PRKCH: variants seen among roughly 807,000 people sequenced by gnomAD.
The protein encoded by PRKCH is protein kinase C eta type.
In PRKCH, 28 loss-of-function variants were observed where a neutral mutation model predicts 82.5. The observed-to-expected ratio is 0.34, with a 90% CI of 0.25 to 0.47. PRKCH has a LOEUF of 0.47. Ranked by LOEUF, PRKCH falls within the 20% of genes least tolerant of loss-of-function variation. The pLI is 1.00. For synonymous variants in PRKCH, 322 were observed against 327.4 expected (o/e 0.98, Z 0.18); for missense variants, 705 against 881.8 (o/e 0.80, Z 2.54).
chr14:61,447,920 C>G (rs1250198371), intron 4 of PRKCH, among the ~76,000 whole-genome samples: 1 of 152,008 alleles, frequency 6.6e-6, no homozygotes, highest in Admixed American at 6.6e-5. Context: ...CTCAAGCGAG[C>G]ATAAGAAAAG....
chr14:61,266,138 C>T lies in PRKCH; in HGVS notation c.-19+78470C>T, dbSNP rs138713364. On this transcript the variant is annotated intron_variant, in intron 1 of 3. Coordinates refer to the PRKCH transcript ENST00000555185. ...TTTTAGAAAAATCATAGGTCCTTGG[C>T]TGGACATGGTGGCTCATGCCTGTAA... 1.6e-3 allele frequency among the ~76,000 whole-genome samples: 248 copies of T among 152,152 alleles called. 1 individual carries two copies. Among genetic ancestry groups the T allele is most frequent in the Admixed American group, 8.0e-3 (122 of 15,286 alleles).
chr14:61,538,181 T>G (rs2043137347), intron 12 of PRKCH, among the ~76,000 whole-genome samples: 1 of 152,212 alleles, frequency 6.6e-6, no homozygotes, highest in South Asian at 2.1e-4. Flanking sequence ...TCAAACACTG[T>G]TAGGGGAAAT....
At chr14:61,231,794 G>A (rs2044746967) in intron 1 of PRKCH, among the ~76,000 whole-genome samples, 1 of 151,948 alleles carries the variant, frequency 6.6e-6, no homozygotes. Flanking sequence ...ATACAAATCT[G>A]TTTAGACGCA....
chr14:61,547,835 C>A lies in PRKCH; in HGVS notation c.1854C>A (p.Asp618Glu), dbSNP rs373505351. 6.2e-7 allele frequency: 1 copy of A among 1,614,016 alleles called. No individual in the cohort carries two copies. Among genetic ancestry groups the A allele is most frequent in the Admixed American group, 1.7e-5 (1 of 60,000 alleles). The change falls in exon 13 of 14, where the codon GAC becomes GAA. Residue 618 changes from aspartate to glutamate, a missense_variant. Around this residue, in one of 5 missense-constraint regions of PRKCH, gnomAD observed 91 missense variants for 81.2 expected, o/e 1.12. Transcript: ENST00000332981. Reference sequence around the variant, plus strand: ...GACATCCTTTTTTTAAGGAAATCGACTGGGCCCAGCTGAACCATCGCCAAA... The same window carrying A: ...GACATCCTTTTTTTAAGGAAATCGAATGGGCCCAGCTGAACCATCGCCAAA... ...ILRHPFFKEI[D>E]WAQLNHRQIE...
intron 2 of PRKCH, among the ~76,000 whole-genome samples, chr14:61,440,494 T>C (rs918554459): frequency 1.3e-5 from 2 of 152,220 alleles, no homozygotes; most frequent in Non-Finnish European, 2.9e-5. Context: ...CCAAATTCAT[T>C]TGGACTCTTT....
chr14:61,462,742 T>A (rs1594734005), intron 9 of PRKCH, among the ~76,000 whole-genome samples: 2 of 152,172 alleles, frequency 1.3e-5, no homozygotes, highest in East Asian at 3.8e-4. Flanking sequence ...CAGTCTCCCC[T>A]GGAGAATTTA....
Position 61,506,310 on chromosome 14 carries a change from C to T in PRKCH, c.1433+20654C>T, listed in dbSNP as rs150190094. Among the ~76,000 whole-genome samples, 670 of 152,200 alleles carry T rather than the reference C, an allele frequency of 4.4e-3. 9 individuals are homozygous for T. Among genetic ancestry groups the T allele is most frequent in the African/African-American group, 0.013 (531 of 41,496 alleles). On this transcript the variant is annotated intron_variant, in intron 10 of 13. Coordinates refer to ENST00000332981, the MANE Select transcript of PRKCH (RefSeq NM_006255.5). Reference sequence around the variant, plus strand: ...GTCATGGAATTTCTCCATATTGCGGCGGTACTTCAGTGTGAGTCAGCAGGA... The same window carrying T: ...GTCATGGAATTTCTCCATATTGCGGTGGTACTTCAGTGTGAGTCAGCAGGA...
At chr14:61,507,889 T>C (rs1887219992) in intron 10 of PRKCH, among the ~76,000 whole-genome samples, 1 of 152,102 alleles carries the variant, frequency 6.6e-6, no homozygotes, top group African/African-American at 2.4e-5. Context: ...TGCTGTACTG[T>C]ATACTTAAAA....
intron 1 of PRKCH, among the ~76,000 whole-genome samples, chr14:61,262,387 T>C (rs2045056952): frequency 6.6e-6 from 1 of 152,114 alleles, no homozygotes; most frequent in African/African-American, 2.4e-5. Context: ...CACAGTATGA[T>C]AGAGAATCTC....
Position 61,261,851 on chromosome 14 carries a change from A to G in PRKCH, c.-19+74183A>G, listed in dbSNP as rs371758568. Among the ~76,000 whole-genome samples the G allele has an allele frequency of 2.6e-4, 40 of 152,276 alleles. 1 individual carries two copies. The Middle Eastern group carries it at 0.014, about 52-fold the overall frequency. ...ATAAAGATAAACAGGCATCTACCCT[A>G]CAACTCAGCAATTCCAGTCCTAAGT... is the stretch of plus-strand genomic sequence containing the variant. On this transcript the variant is annotated intron_variant, in intron 1 of 3. Transcript: ENST00000555185.
chr14:61,258,102 G>T (rs2045015646), intron 1 of PRKCH, among the ~76,000 whole-genome samples: 1 of 152,108 alleles, frequency 6.6e-6, no homozygotes, highest in African/African-American at 2.4e-5. Context: ...ACTCGCAATA[G>T]TTAATTTGCT....
chr14:61,378,488 G>T (rs916946184), intron 1 of PRKCH, among the ~76,000 whole-genome samples: 2 of 152,086 alleles, frequency 1.3e-5, no homozygotes, highest in Non-Finnish European at 2.9e-5. Context: ...TTACAGATGT[G>T]AGCCGCCACA....
At chr14:61,436,382 G>C (rs564538641) in intron 2 of PRKCH, among the ~76,000 whole-genome samples, 2 of 151,520 alleles carry the variant, frequency 1.3e-5, no homozygotes, top group East Asian at 3.9e-4. Flanking sequence ...GTTGATTTGG[G>C]TCTCCACAGT....
intron 3 of PRKCH, among the ~76,000 whole-genome samples, chr14:61,445,369 A>AACTC (rs1174145416): frequency 6.6e-6 from 1 of 152,226 alleles, no homozygotes; most frequent in Non-Finnish European, 1.5e-5. Flanking sequence ...ATAAGGTGGG[A>AACTC]ACTCTTCAGG....
intron 1 of PRKCH, among the ~76,000 whole-genome samples, chr14:61,345,887 TAA>T (rs1487638981): frequency 1.3e-5 from 2 of 149,108 alleles, no homozygotes. Context: ...TTTTTTTTTT[TAA>T]AGTTGTGGAG....
chr14:61,220,915 A>G (rs1335801676), intron 1 of PRKCH, among the ~76,000 whole-genome samples: 1 of 152,164 alleles, frequency 6.6e-6, no homozygotes, highest in Non-Finnish European at 1.5e-5. Context: ...CAGACAGCCC[A>G]CGTTCTGGTA....
chr14:61,329,952 C>T (rs2045760294), intron 1 of PRKCH, among the ~76,000 whole-genome samples: 6 of 152,176 alleles, frequency 3.9e-5, no homozygotes. Context: ...CTCTGACAGA[C>T]TATTACATGT....
intron 1 of PRKCH, among the ~76,000 whole-genome samples, chr14:61,337,922 G>A (rs2045879924): frequency 6.6e-6 from 1 of 152,178 alleles, no homozygotes. Flanking sequence ...CGTAGCCTTG[G>A]TTTTGGTTGT....
chr14:61,346,434 G>A (rs528147227), intron 1 of PRKCH, among the ~76,000 whole-genome samples: 3 of 152,312 alleles, frequency 2.0e-5, no homozygotes, highest in Non-Finnish European at 4.4e-5. Flanking sequence ...ACTTGAGATA[G>A]TGTGTCATTT....
Sources: gnomAD v4.1 joint callset for allele counts (sites outside exome capture counted in the v4.1 genomes callset) on GRCh38, gnomAD v4.1.1 for gene constraint, gnomAD v4.1.1 regional missense constraint, MANE v1.5 for transcripts, NCBI Gene and HGNC (gene_info 2026-07-23, HGNC 2026-07-21) for gene names.